The following SYT10 variants were observed in gnomAD, a reference collection of about 807,000 sequenced individuals.
SYT10 encodes the protein synaptotagmin-10.
In SYT10, 31 loss-of-function variants were observed where a neutral mutation model predicts 51.1. That is an observed-to-expected ratio of 0.61 (90% CI 0.46 to 0.82). The LOEUF (loss-of-function observed/expected upper bound fraction) is 0.82, where lower values mean the gene tolerates loss of function less well. SYT10 is among the 40% of genes least tolerant of loss of function. The probability of loss-of-function intolerance (pLI) is 0.00; values close to 1 mark genes in which losing one functional copy is unlikely to be tolerated. For missense variants in SYT10, 603 were observed against 634.0 expected (o/e 0.95, Z 0.53); for synonymous variants, 233 against 225.9 (o/e 1.03, Z -0.28).
intron 1 of SYT10, among the ~76,000 whole-genome samples, chr12:33,433,157 C>T (rs1187058880): frequency 6.6e-6 from 1 of 152,086 alleles, no homozygotes; most frequent in East Asian, 1.9e-4. Context: ...GTTAGATATT[C>T]CACCAACAGA....
chr12:33,438,303 T>C (rs542570393), intron 1 of SYT10, among the ~76,000 whole-genome samples: 12 of 152,272 alleles, frequency 7.9e-5, no homozygotes, highest in African/African-American at 2.9e-4. Context: ...GGAAAGAACC[T>C]AGAGAAGGAA....
intron 1 of SYT10, among the ~76,000 whole-genome samples, chr12:33,431,679 T>G (rs1258271900): frequency 1.3e-5 from 2 of 152,212 alleles, no homozygotes; most frequent in Non-Finnish European, 2.9e-5. Flanking sequence ...TGTGTCATAA[T>G]TTTTGTTATT....
intron 2 of SYT10, among the ~76,000 whole-genome samples, chr12:33,408,687 T>A (rs1866380116): frequency 6.6e-6 from 1 of 152,176 alleles, no homozygotes; most frequent in South Asian, 2.1e-4. Flanking sequence ...AAACTTCTAG[T>A]CCCGTATCTC....
At position 33,406,652 on chromosome 12, in the gene SYT10, TGAAATTC is replaced by T. The variant is rs1203692266; in HGVS notation, c.1077+130_1077+136del. 8.2e-6 allele frequency: 6 copies of T among 732,404 alleles called. No individual in the cohort carries two copies. In the African/African-American group the frequency reaches 1.1e-4, roughly 13 times the overall value. 45.4% of individuals were successfully genotyped at this position (732,404 alleles called of 1,614,324 possible). The stretch of plus-strand genomic sequence containing the variant: ...GTGCCTGAATTATTATTAGTAGAAA[TGAAATTC>T]TACCTTTGCAGGATCTTAGACATAA... On this transcript the variant is annotated intron_variant, in intron 3 of 6. Coordinates refer to ENST00000228567, the MANE Select transcript of SYT10 (RefSeq NM_198992.4).
intron 1 of SYT10, among the ~76,000 whole-genome samples, chr12:33,437,852 G>A (rs7138393): frequency 2.6e-5 from 4 of 151,750 alleles, no homozygotes; most frequent in African/African-American, 9.7e-5. Flanking sequence ...TGCTCACACA[G>A]TGCCTTCCAC....
intron 5 of SYT10, among the ~76,000 whole-genome samples, chr12:33,381,778 A>G (rs1228259849): frequency 6.6e-6 from 1 of 152,162 alleles, no homozygotes. Flanking sequence ...GGAGTGACTC[A>G]AAGAGTGTGA....
intron 2 of SYT10, 38 bp downstream of exon 2, chr12:33,426,096 ACACG>A (rs369751931): frequency 2.0e-6 from 3 of 1,503,840 alleles, no homozygotes; most frequent in African/African-American, 1.4e-5. Flanking sequence ...ACACACACAC[ACACG>A]CACACACACC....
chr12:33,439,003 A>G (rs1275433919), intron 1 of SYT10, among the ~76,000 whole-genome samples: 1 of 152,200 alleles, frequency 6.6e-6, no homozygotes, highest in Non-Finnish European at 1.5e-5. Flanking sequence ...CGCCCCCACA[A>G]GCAGCCAAGC....
intron 2 of SYT10, chr12:33,424,060 T>C (rs1330256072): frequency 2.2e-6 from 1 of 453,724 alleles, no homozygotes; most frequent in African/African-American, 2.0e-5. Flanking sequence ...GATATAAAAG[T>C]TCTAGCAAAA....
intron 3 of SYT10, among the ~76,000 whole-genome samples, chr12:33,394,282 T>C (rs1284868620): frequency 6.6e-6 from 1 of 152,236 alleles, no homozygotes; most frequent in Non-Finnish European, 1.5e-5. Context: ...CTGAATTAAA[T>C]GTGCAGGACT....
rs1866049172 is a variant in SYT10, at chr12:33,374,760, C to T, written c.*2070G>A. 6.6e-6 allele frequency: 1 copy of T among 151,778 alleles called. No individual in the cohort carries two copies. Among genetic ancestry groups the T allele is most frequent in the Non-Finnish European group, 1.5e-5 (1 of 67,858 alleles). 9.4% of individuals were successfully genotyped at this position (151,778 alleles called of 1,614,324 possible). A position where few individuals can be genotyped will look rare whatever the true frequency, so the allele number is the denominator to read the frequency against. Reference sequence around the variant, plus strand: ...TCCCATATTAGAGTCTTCTGATTGGCCAATGGTTCACATTTTTTCATCACA... The same window carrying T: ...TCCCATATTAGAGTCTTCTGATTGGTCAATGGTTCACATTTTTTCATCACA... On this transcript the variant is annotated 3_prime_UTR_variant, in exon 7 of 7. Coordinates refer to ENST00000228567, the MANE Select transcript of SYT10 (RefSeq NM_198992.4).
intron 6 of SYT10, among the ~76,000 whole-genome samples, chr12:33,379,065 T>G (rs1036738084): frequency 1.3e-5 from 2 of 152,136 alleles, no homozygotes; most frequent in African/African-American, 4.8e-5. Context: ...TAAACTGAGA[T>G]TAGAACCTCG....
chr12:33,411,898 A>G (rs1656718354), intron 2 of SYT10, among the ~76,000 whole-genome samples: 1 of 152,148 alleles, frequency 6.6e-6, no homozygotes, highest in Non-Finnish European at 1.5e-5. Flanking sequence ...AAAAGAATAT[A>G]AAAAGGAATA....
At position 33,392,985 on chromosome 12, in the gene SYT10, TAAAAAAAAAAAAAAA is replaced by T. The variant is rs71068378; in HGVS notation, c.1078-7709_1078-7695del. Among the ~76,000 whole-genome samples the T allele has an allele frequency of 2.5e-4, 15 of 59,090 alleles. 1 individual carries two copies. The South Asian group carries it at 5.0e-3, about 20-fold the overall frequency. 38.8% of individuals were successfully genotyped at this position (59,090 alleles called of 152,430 possible). A position where few individuals can be genotyped will look rare whatever the true frequency, so the allele number is the denominator to read the frequency against. On this transcript the variant is annotated intron_variant, in intron 3 of 6. Transcript: ENST00000228567. ...CAAAAATAATTGTGGTTTTTGCCAT[TAAAAAAAAAAAAAAA>T]AAAAAAAAAAAAAATTGCAAAAACC...
At chr12:33,431,536 T>C (rs1037276571) in intron 1 of SYT10, among the ~76,000 whole-genome samples, 5 of 152,196 alleles carry the variant, frequency 3.3e-5, no homozygotes, top group Non-Finnish European at 7.4e-5. Context: ...ATTACATTAA[T>C]TGTAATTATT....
intron 3 of SYT10, among the ~76,000 whole-genome samples, chr12:33,397,979 G>C (rs550720449): frequency 6.6e-6 from 1 of 152,052 alleles, no homozygotes; most frequent in Non-Finnish European, 1.5e-5. Context: ...AACAGGGAAA[G>C]TTAGAACTAA....
chr12:33,421,156 T>C (rs60061814), intron 2 of SYT10, among the ~76,000 whole-genome samples: 18,126 of 152,168 alleles, frequency 0.12, 1,170 homozygotes, highest in Admixed American at 0.17. Flanking sequence ...CTTATAATAA[T>C]GCACATTAAG....
At chr12:33,407,487 A>G (rs1866369472) in intron 2 of SYT10, 131 bp from the exon 3 acceptor site, 1 of 835,438 alleles carries the variant, frequency 1.2e-6, no homozygotes, top group Non-Finnish European at 1.7e-6. Context: ...AGATAGACAC[A>G]TACATATAAT....
chr12:33,385,888 A>G (rs1179568003), intron 3 of SYT10, among the ~76,000 whole-genome samples: 2 of 152,238 alleles, frequency 1.3e-5, no homozygotes, highest in East Asian at 3.8e-4. Context: ...AAAACTGTTT[A>G]AGGGATCACA....
Sources: allele counts gnomAD v4.1 joint callset (sites outside exome capture counted in the v4.1 genomes callset), GRCh38; gene constraint gnomAD v4.1.1; transcripts MANE v1.5; gene names NCBI Gene and HGNC (gene_info 2026-07-23, HGNC 2026-07-21).